PSD3: variants seen among roughly 807,000 people sequenced by gnomAD.
The protein encoded by PSD3 is pleckstrin and Sec7 domain containing 3.
In PSD3, 49 loss-of-function variants were observed where a neutral mutation model predicts 105.5. The observed-to-expected ratio is 0.46, with a 90% CI of 0.37 to 0.59. The LOEUF is 0.59. Ranked by LOEUF, PSD3 falls within the 20% of genes least tolerant of loss-of-function variation. The pLI is 0.00. For synonymous variants in PSD3, 557 were observed against 457.8 expected, an observed-to-expected ratio of 1.22 and a Z score of -2.77; for missense variants, 1,561 against 1,263.8, an observed-to-expected ratio of 1.24 and a Z score of -3.57.
At chr8:18,940,614 A>G (rs924464933) in intron 1 of PSD3, among the ~76,000 whole-genome samples, 21 of 152,192 alleles carry the variant, frequency 1.4e-4, no homozygotes, top group African/African-American at 4.8e-4. Flanking sequence ...TCTATCTTGG[A>G]AACTAACATG....
At chr8:18,585,871 G>C (rs562759453) in intron 12 of PSD3, among the ~76,000 whole-genome samples, 11 of 152,128 alleles carry the variant, frequency 7.2e-5, no homozygotes, top group Non-Finnish European at 1.6e-4. Context: ...AATTAGTTAA[G>C]TGACAGACTT....
intron 1 of PSD3, among the ~76,000 whole-genome samples, chr8:18,999,503 G>T (rs1388333730): frequency 2.0e-5 from 3 of 151,572 alleles, no homozygotes; most frequent in African/African-American, 7.3e-5. Context: ...GGTTGTACTT[G>T]CTACCAAAAT....
At position 19,001,301 on chromosome 8, in the gene PSD3, C is replaced by T. The variant is rs1339212834; in HGVS notation, c.21+12262G>A. Among the ~76,000 whole-genome samples, 3 of 151,584 alleles carry T rather than the reference C, an allele frequency of 2.0e-5. No homozygotes were observed. The East Asian group carries it at 5.8e-4, about 29-fold the overall frequency. On this transcript the variant is annotated intron_variant, in intron 1 of 15. Coordinates refer to ENST00000327040, the MANE Select transcript of PSD3 (RefSeq NM_015310.4). Reference sequence around the variant, plus strand: ...GTAGAGGTGGGGTCTCACTATGTTGCCCAGGCCCGTAGACTTTATTTATTA... The same window carrying T: ...GTAGAGGTGGGGTCTCACTATGTTGTCCAGGCCCGTAGACTTTATTTATTA...
chr8:18,936,280 A>C (rs1251130336), intron 1 of PSD3, 138 bp from the exon 2 acceptor site: 4 of 596,866 alleles, frequency 6.7e-6, no homozygotes, highest in Non-Finnish European at 1.2e-5. Flanking sequence ...TCAAAATGAA[A>C]CATGAAAAGT....
chr8:18,809,941 G>C (rs1290333989), intron 4 of PSD3, among the ~76,000 whole-genome samples: 1 of 152,100 alleles, frequency 6.6e-6, no homozygotes, highest in East Asian at 1.9e-4. Flanking sequence ...CACCACAAAT[G>C]TGATAATGTA....
At chr8:18,784,098 G>A (rs1167579672) in intron 8 of PSD3, among the ~76,000 whole-genome samples, 2 of 151,774 alleles carry the variant, frequency 1.3e-5, no homozygotes, top group East Asian at 3.9e-4. Flanking sequence ...CCCTTTTTGC[G>A]AATTTTGTCC....
intron 14 of PSD3, among the ~76,000 whole-genome samples, chr8:18,563,584 T>A (rs1216192474): frequency 6.6e-6 from 1 of 152,224 alleles, no homozygotes; most frequent in East Asian, 1.9e-4. Flanking sequence ...TTTCATAATT[T>A]CATGTTTAAG....
intron 9 of PSD3, among the ~76,000 whole-genome samples, chr8:18,706,664 T>A (rs1170612426): frequency 2.6e-5 from 4 of 152,216 alleles, no homozygotes; most frequent in Non-Finnish European, 2.9e-5. Flanking sequence ...GAGATGGATA[T>A]AGAAGCTGCA....
At chr8:18,710,097 T>C (rs187995110) in intron 9 of PSD3, among the ~76,000 whole-genome samples, 1 of 152,072 alleles carries the variant, frequency 6.6e-6, no homozygotes, top group Admixed American at 6.5e-5. Flanking sequence ...AAAACCATGA[T>C]GAAACACTAC....
chr8:18,665,628 A>G (rs1563155326), intron 9 of PSD3, among the ~76,000 whole-genome samples: 1 of 152,254 alleles, frequency 6.6e-6, no homozygotes, highest in Non-Finnish European at 1.5e-5. Context: ...TTTCTGAATG[A>G]AGTTCTACTG....
rs149254812 is a variant in PSD3, at chr8:18,938,581, C to A, written c.22-2439G>T. 3.7e-4 allele frequency among the ~76,000 whole-genome samples: 54 copies of A among 144,316 alleles called. No homozygotes were observed. In the East Asian group the frequency reaches 9.6e-3, roughly 26 times the overall value. 94.7% of individuals were successfully genotyped at this position (144,316 alleles called of 152,430 possible). A position where few individuals can be genotyped will look rare whatever the true frequency, so the allele number is the denominator to read the frequency against. On this transcript the variant is annotated intron_variant, in intron 1 of 15. Transcript: ENST00000327040. ...GAGGTTGCAGTGAACCGCGATGGCG[C>A]TATTGCACTCCAGCCTAGGCGACAA...
chr8:18,920,250 T>C (rs537954284), intron 2 of PSD3, among the ~76,000 whole-genome samples: 2 of 152,314 alleles, frequency 1.3e-5, no homozygotes, highest in Non-Finnish European at 2.9e-5. Flanking sequence ...CCTTCTTTAT[T>C]ATCCTACAGT....
At chr8:18,978,192 G>A (rs1418757417) in intron 1 of PSD3, among the ~76,000 whole-genome samples, 1 of 152,252 alleles carries the variant, frequency 6.6e-6, no homozygotes, top group Non-Finnish European at 1.5e-5. Context: ...GAAAAGGCCA[G>A]AGGGCACTGC....
chr8:18,661,145 T>G (rs1280833990), intron 9 of PSD3, among the ~76,000 whole-genome samples: 1 of 152,214 alleles, frequency 6.6e-6, no homozygotes, highest in African/African-American at 2.4e-5. Context: ...TTCGTGTATT[T>G]TAGTTCAATC....
chr8:18,929,656 T>C (rs905729174), intron 2 of PSD3, among the ~76,000 whole-genome samples: 2 of 152,114 alleles, frequency 1.3e-5, no homozygotes, highest in African/African-American at 4.8e-5. Context: ...TCCACCTGTC[T>C]ATATCTGGGA....
Position 18,535,721 on chromosome 8 carries a change from A to C in PSD3, c.*22T>G. 1 of 1,568,508 alleles carries C rather than the reference A, an allele frequency of 6.4e-7. No individual in the cohort carries two copies. Among genetic ancestry groups the C allele is most frequent in the Non-Finnish European group, 8.8e-7 (1 of 1,138,654 alleles). ...AACCCTATTTTGCTCCATGACCAGC[A>C]CTTCCTGGCCGCAGATGGACTCTAA... On this transcript the variant is annotated 3_prime_UTR_variant, in exon 16 of 16. Coordinates refer to ENST00000327040, the MANE Select transcript of PSD3 (RefSeq NM_015310.4).
intron 9 of PSD3, among the ~76,000 whole-genome samples, chr8:18,712,971 G>A (rs752754150): frequency 4.6e-5 from 7 of 151,966 alleles, no homozygotes; most frequent in South Asian, 2.1e-4. Flanking sequence ...AATGCAAGGC[G>A]GGTTCAACAT....
chr8:19,023,941 G>A lies in PSD3; in HGVS notation c.324+60265C>T, dbSNP rs182673279. ...TTAGCACAGCACTATGCACTGTACTGTACTGACTTGACCATTAAAAACAAA... is the reference window on the plus strand; with the variant it reads ...TTAGCACAGCACTATGCACTGTACTATACTGACTTGACCATTAAAAACAAA... On this transcript the variant is annotated intron_variant, in intron 1 of 1. Coordinates refer to the PSD3 transcript ENST00000521475. Among the ~76,000 whole-genome samples, 342 of 152,278 alleles carry A rather than the reference G, an allele frequency of 2.2e-3. 1 individual carries two copies. The highest frequency in any genetic ancestry group is 8.0e-3 in the African/African-American group (331 of 41,548).
intron 1 of PSD3, among the ~76,000 whole-genome samples, chr8:19,077,280 T>C (rs1295917569): frequency 6.6e-6 from 1 of 152,234 alleles, no homozygotes; most frequent in East Asian, 1.9e-4. Flanking sequence ...AATAATTCCC[T>C]GGAGCTTTTT....
Sources: allele counts gnomAD v4.1 joint callset (sites outside exome capture counted in the v4.1 genomes callset), GRCh38; gene constraint gnomAD v4.1.1; transcripts MANE v1.5; gene names NCBI Gene and HGNC (gene_info 2026-07-23, HGNC 2026-07-21).